The following IQCK variants were observed in gnomAD, a reference collection of about 807,000 sequenced individuals.
The protein encoded by IQCK is IQ domain-containing protein K.
IQCK carries 29 observed loss-of-function variants against 28.1 expected under a neutral mutation model. The observed-to-expected ratio is 1.03, with a 90% CI of 0.77 to 1.41. IQCK has a LOEUF of 1.41. Among genes scored for constraint, IQCK ranks in the 40% most tolerant of loss-of-function variants. IQCK has a pLI of 0.00. For missense variants in IQCK, 359 were observed against 314.7 expected (o/e 1.14, Z -1.07); for synonymous variants, 113 against 115.1 (o/e 0.98, Z 0.12).
intron 4 of IQCK, among the ~76,000 whole-genome samples, chr16:19,742,455 C>T (rs1029740493): frequency 7.2e-5 from 11 of 151,818 alleles, no homozygotes; most frequent in Admixed American, 2.0e-4. Context: ...AGTGGAACTC[C>T]CCTTATCCTG....
At chr16:19,845,868 A>T (rs966573382) in intron 9 of IQCK, among the ~76,000 whole-genome samples, 2 of 152,172 alleles carry the variant, frequency 1.3e-5, no homozygotes, top group South Asian at 4.2e-4. Context: ...TGAGCTCAGG[A>T]GTTCGAGACC....
At chr16:19,823,746 G>C (rs888091993) in intron 7 of IQCK, among the ~76,000 whole-genome samples, 5 of 152,134 alleles carry the variant, frequency 3.3e-5, no homozygotes, top group African/African-American at 1.2e-4. Context: ...AGACCAGCCT[G>C]GCCAACATGG....
At chr16:19,803,640 T>C (rs2055790016) in intron 7 of IQCK, among the ~76,000 whole-genome samples, 2 of 152,166 alleles carry the variant, frequency 1.3e-5, no homozygotes, top group South Asian at 4.1e-4. Context: ...CAAGTTATCA[T>C]GGAATTAAAA....
chr16:19,824,454 G>A (rs545286959), intron 7 of IQCK, among the ~76,000 whole-genome samples: 16 of 152,278 alleles, frequency 1.1e-4, no homozygotes, highest in African/African-American at 3.1e-4. Context: ...CTGTTGTACC[G>A]CCTGGTTCCT....
At chr16:19,759,396 A>T (rs557991385) in intron 4 of IQCK, among the ~76,000 whole-genome samples, 1 of 151,836 alleles carries the variant, frequency 6.6e-6, no homozygotes, top group Non-Finnish European at 1.5e-5. Flanking sequence ...TTTAGTAGAG[A>T]TGGGGTTTTG....
chr16:19,731,275 T>G (rs1486963321), intron 2 of IQCK, among the ~76,000 whole-genome samples: 1 of 152,128 alleles, frequency 6.6e-6, no homozygotes, highest in Non-Finnish European at 1.5e-5. Context: ...ACCTTGGAAT[T>G]AGATAGGAGC....
At chr16:19,757,156 A>G (rs1326301035) in intron 4 of IQCK, among the ~76,000 whole-genome samples, 4 of 152,218 alleles carry the variant, frequency 2.6e-5, no homozygotes, top group African/African-American at 9.6e-5. Flanking sequence ...AAGAGTCTCA[A>G]CCAACACAGT....
intron 6 of IQCK, among the ~76,000 whole-genome samples, chr16:19,767,802 C>T (rs557170005): frequency 6.6e-6 from 1 of 151,974 alleles, no homozygotes; most frequent in Non-Finnish European, 1.5e-5. Flanking sequence ...TCCCCTACCC[C>T]CTTCTTCCCT....
At chr16:19,827,213 C>G (rs779848530), downstream of IQCK, 1 of 1,060,270 alleles carries the variant, frequency 9.4e-7, no homozygotes, top group South Asian at 1.3e-5. Context: ...GAAGGAGGCC[C>G]TCTGAGCTTT....
intron 6 of IQCK, among the ~76,000 whole-genome samples, chr16:19,764,856 ATT>A (rs750870961): frequency 5.2e-5 from 7 of 133,610 alleles, no homozygotes; most frequent in Admixed American, 7.4e-5. Context: ...CACCTGGCTA[ATT>A]TTTTTTTTTT....
intron 6 of IQCK, among the ~76,000 whole-genome samples, chr16:19,768,614 T>C (rs1282927054): frequency 2.0e-5 from 3 of 152,002 alleles, no homozygotes; most frequent in Non-Finnish European, 4.4e-5. Flanking sequence ...GGCATGGTGG[T>C]GTGCGTCTGT....
intron 4 of IQCK, among the ~76,000 whole-genome samples, chr16:19,746,034 TGG>T (rs2054906130): frequency 6.6e-6 from 1 of 151,628 alleles, no homozygotes. Context: ...CTAGGCCTGG[TGG>T]CATGTGCCTG....
At chr16:19,780,043 T>C (rs1416166425) in intron 6 of IQCK, among the ~76,000 whole-genome samples, 1 of 142,954 alleles carries the variant, frequency 7.0e-6, no homozygotes, top group Non-Finnish European at 1.5e-5. Flanking sequence ...ATTTATTTAT[T>C]TATTTATTTA....
chr16:19,737,247 T>G (rs2054771319), intron 4 of IQCK, among the ~76,000 whole-genome samples: 1 of 152,104 alleles, frequency 6.6e-6, no homozygotes, highest in African/African-American at 2.4e-5. Context: ...TCTATAAAAT[T>G]ATCCATAGTT....
intron 6 of IQCK, among the ~76,000 whole-genome samples, chr16:19,779,987 G>A (rs2055454992): frequency 6.7e-6 from 1 of 149,030 alleles, no homozygotes; most frequent in Non-Finnish European, 1.5e-5. Flanking sequence ...AAAGTGCTGG[G>A]ACCTTACAGG....
At chr16:19,806,356 C>G (rs2055833643) in intron 7 of IQCK, among the ~76,000 whole-genome samples, 1 of 151,676 alleles carries the variant, frequency 6.6e-6, no homozygotes, top group South Asian at 2.1e-4. Context: ...CAGAGCGAGA[C>G]TCTCTGTCTA....
intron 2 of IQCK, 40 bp downstream of exon 2, chr16:19,730,534 TAAATG>T (rs778750663): frequency 2.8e-6 from 4 of 1,446,954 alleles, no homozygotes; most frequent in East Asian, 2.3e-5. Flanking sequence ...AAGAAGCTCT[TAAATG>T]AGAATAGCAT....
chr16:19,821,895 G>A lies in IQCK; in HGVS notation c.691-5131G>A, dbSNP rs373899903. ...TTGAGACCAGCCTAGGTAGTATAGTGAAACTTTGTCTCTACAAAAACAAAA... is the reference window on the plus strand; with the variant it reads ...TTGAGACCAGCCTAGGTAGTATAGTAAAACTTTGTCTCTACAAAAACAAAA... On this transcript the variant is annotated intron_variant, in intron 7 of 7. Coordinates refer to ENST00000564186, the Ensembl canonical transcript of IQCK. Among the ~76,000 whole-genome samples the A allele has an allele frequency of 3.8e-4, 58 of 151,890 alleles. No homozygotes were observed. The East Asian group carries it at 4.7e-3, about 12-fold the overall frequency.
At chr16:19,850,204 A>G (rs375503460) in intron 9 of IQCK, among the ~76,000 whole-genome samples, 52 of 152,156 alleles carry the variant, frequency 3.4e-4, no homozygotes, top group East Asian at 3.3e-3. Context: ...TGCTTCTTTA[A>G]TCACAGACAT....
Sources: allele counts gnomAD v4.1 joint callset (sites outside exome capture counted in the v4.1 genomes callset), GRCh38; gene constraint gnomAD v4.1.1; transcripts MANE v1.5; gene names NCBI Gene and HGNC (gene_info 2026-07-23, HGNC 2026-07-21).